RBFOX1: variants seen among roughly 807,000 people sequenced by gnomAD.
The protein encoded by RBFOX1 is RNA binding protein fox-1 homolog 1.
Under a neutral mutation model 57.7 loss-of-function variants are expected in RBFOX1, and 8 were observed. The observed-to-expected ratio is 0.14, with a 90% CI of 0.08 to 0.25. The LOEUF (loss-of-function observed/expected upper bound fraction) is 0.25. Ranked by LOEUF, RBFOX1 falls within the 10% of genes least tolerant of loss-of-function variation. The pLI is 1.00. For missense variants in RBFOX1, 611 were observed against 548.5 expected, an observed-to-expected ratio of 1.11 and a Z score of -1.14; for synonymous variants, 326 against 222.4, an observed-to-expected ratio of 1.47 and a Z score of -4.15.
chr16:6,840,311 A>G (rs531409928), intron 3 of RBFOX1, among the ~76,000 whole-genome samples: 1 of 152,300 alleles, frequency 6.6e-6, no homozygotes, highest in Admixed American at 6.5e-5. Context: ...TTAGGGTGTA[A>G]GGGGCTGCAG....
At chr16:6,808,545 CAACA>C (rs910601065) in intron 3 of RBFOX1, among the ~76,000 whole-genome samples, 13 of 152,214 alleles carry the variant, frequency 8.5e-5, no homozygotes, top group African/African-American at 3.1e-4. Flanking sequence ...TTTGCATACT[CAACA>C]AACATTGTCT....
At chr16:7,159,348 G>T (rs1026175680) in intron 4 of RBFOX1, among the ~76,000 whole-genome samples, 1 of 152,126 alleles carries the variant, frequency 6.6e-6, no homozygotes. Context: ...GGGGTGGCAA[G>T]CCCCTGGTGA....
chr16:6,109,474 C>G (rs1343173635), intron 1 of RBFOX1, among the ~76,000 whole-genome samples: 1 of 152,146 alleles, frequency 6.6e-6, no homozygotes, highest in Non-Finnish European at 1.5e-5. Context: ...TTTTTTCACT[C>G]ATGAGGCATA....
intron 1 of RBFOX1, among the ~76,000 whole-genome samples, chr16:5,414,491 C>T (rs1187794842): frequency 1.3e-5 from 2 of 152,118 alleles, no homozygotes; most frequent in Non-Finnish European, 2.9e-5. Flanking sequence ...TGAGCCTCTG[C>T]CTGTGGGTAG....
At chr16:7,104,327 C>G (rs542634129) in intron 4 of RBFOX1, among the ~76,000 whole-genome samples, 5 of 152,258 alleles carry the variant, frequency 3.3e-5, no homozygotes, top group African/African-American at 1.2e-4. Flanking sequence ...GATGTAACTT[C>G]TCCTAAGGGG....
intron 1 of RBFOX1, chr16:6,092,611 A>C (rs755799715): frequency 2.0e-5 from 3 of 152,192 alleles, no homozygotes; most frequent in South Asian, 2.1e-4. Context: ...GCATATGGCT[A>C]GTCAGTTATC....
At chr16:6,821,381 A>T (rs929357379) in intron 3 of RBFOX1, among the ~76,000 whole-genome samples, 10 of 152,194 alleles carry the variant, frequency 6.6e-5, no homozygotes, top group East Asian at 1.9e-4. Flanking sequence ...GTTTTATTTT[A>T]AAAAATTTCA....
chr16:7,409,148 G>C (rs1198799804), intron 4 of RBFOX1, among the ~76,000 whole-genome samples: 1 of 152,162 alleles, frequency 6.6e-6, no homozygotes, highest in Non-Finnish European at 1.5e-5. Context: ...CTGTGATCAG[G>C]TTCCGGGAGC....
chr16:6,603,315 C>A (rs928447484), intron 2 of RBFOX1, among the ~76,000 whole-genome samples: 3 of 152,098 alleles, frequency 2.0e-5, no homozygotes, highest in African/African-American at 4.8e-5. Flanking sequence ...TTCAAGAGAA[C>A]CTGGCAGTTG....
intron 1 of RBFOX1, among the ~76,000 whole-genome samples, chr16:5,312,639 T>C (rs996723122): frequency 6.6e-6 from 1 of 152,146 alleles, no homozygotes; most frequent in Non-Finnish European, 1.5e-5. Context: ...ATAGATGATA[T>C]GGGATCCATT....
intron 2 of RBFOX1, among the ~76,000 whole-genome samples, chr16:6,361,307 A>G (rs1304462715): frequency 2.0e-5 from 3 of 152,132 alleles, no homozygotes; most frequent in Admixed American, 6.6e-5. Flanking sequence ...TTTAGACACC[A>G]GGAACAAGAT....
At chr16:7,445,181 A>G (rs1467429260) in intron 4 of RBFOX1, among the ~76,000 whole-genome samples, 3 of 152,188 alleles carry the variant, frequency 2.0e-5, no homozygotes, top group Admixed American at 2.0e-4. Context: ...GCAGTTAGCA[A>G]GGATTAAACA....
intron 4 of RBFOX1, among the ~76,000 whole-genome samples, chr16:5,972,047 C>G (rs748177451): frequency 2.0e-5 from 3 of 152,346 alleles, no homozygotes; most frequent in East Asian, 3.9e-4. Context: ...AGCATGGGCT[C>G]TTTCTGGGTC....
intron 2 of RBFOX1, among the ~76,000 whole-genome samples, chr16:6,379,605 A>G (rs2091579351): frequency 1.3e-5 from 2 of 152,012 alleles, no homozygotes; most frequent in Admixed American, 6.6e-5. Flanking sequence ...TTGACAAGAG[A>G]AGAATCATTC....
At chr16:5,739,784 C>T (rs924306590) in intron 3 of RBFOX1, among the ~76,000 whole-genome samples, 1 of 152,250 alleles carries the variant, frequency 6.6e-6, no homozygotes, top group Non-Finnish European at 1.5e-5. Context: ...CACTGCCCCA[C>T]GTTGGGGCCT....
At chr16:6,736,517 A>G (rs182344675) in intron 3 of RBFOX1, among the ~76,000 whole-genome samples, 3 of 152,338 alleles carry the variant, frequency 2.0e-5, no homozygotes, top group South Asian at 2.1e-4. Flanking sequence ...GTAGTATTGC[A>G]TCATATATAT....
In RBFOX1 at chr16:5,705,315, G is replaced by A. The variant is rs571068382; in HGVS notation, c.318+106354G>A. ...CTTGCTGTCTTGTCCAGGCTAGGGT[G>A]CAGTGGCATGATCCTTGATCACTGC... On this transcript the variant is annotated intron_variant, in intron 3 of 19. Transcript: ENST00000641259. 2.6e-5 allele frequency among the ~76,000 whole-genome samples: 4 copies of A among 152,258 alleles called. No homozygotes were observed. The South Asian group carries it at 6.2e-4, about 24-fold the overall frequency.
intron 2 of RBFOX1, among the ~76,000 whole-genome samples, chr16:6,452,510 C>G (rs1051140866): frequency 1.3e-5 from 2 of 152,154 alleles, no homozygotes; most frequent in African/African-American, 4.8e-5. Context: ...GGCAAAAACT[C>G]ATGGAGAGAA....
In RBFOX1 at chr16:7,049,807, C is replaced by A. The variant is rs139835825; in HGVS notation, c.-15-2250C>A. On this transcript the variant is annotated intron_variant, in intron 3 of 15. Transcript: ENST00000550418. ...ACAGGATGAAGTGTTTTCGCTCCATCTTGTCAAGAACCGAAACCTCACCAC... is the reference window on the plus strand; with the variant it reads ...ACAGGATGAAGTGTTTTCGCTCCATATTGTCAAGAACCGAAACCTCACCAC... Among the ~76,000 whole-genome samples the A allele has an allele frequency of 2.7e-3, 415 of 152,308 alleles. 3 individuals are homozygous for A. Among genetic ancestry groups the A allele is most frequent in the African/African-American group, 9.6e-3 (398 of 41,568 alleles).
Sources: allele counts gnomAD v4.1 joint callset (sites outside exome capture counted in the v4.1 genomes callset), GRCh38; gene constraint gnomAD v4.1.1; transcripts MANE v1.5; gene names NCBI Gene and HGNC (gene_info 2026-07-23, HGNC 2026-07-21).